Variants in NTN1 observed in about 807,000 individuals in gnomAD.
The protein encoded by NTN1 is netrin 1, also known as netrin-1.
Under a neutral mutation model 54.2 loss-of-function variants are expected in NTN1, and 11 were observed. That is an observed-to-expected ratio of 0.20 (90% CI 0.13 to 0.34). NTN1 has a LOEUF of 0.34. NTN1 is among the 10% of genes least tolerant of loss of function. The pLI is 1.00. For missense variants in NTN1, 740 were observed against 893.1 expected (o/e 0.83, Z 2.18); for synonymous variants, 371 against 382.0 (o/e 0.97, Z 0.33).
the NTN1 span, among the ~76,000 whole-genome samples, chr17:9,003,221 G>T: frequency 6.6e-6 from 1 of 151,934 alleles, no homozygotes. This position sits in a 1 kb window ranked among gnomAD's most constrained non-coding sequence, Gnocchi z 7.4. Flanking sequence ...GGAAGCTCTG[G>T]CTGGGGCTGC....
chr17:9,066,654 A>G (rs1380791584), intron 2 of NTN1, among the ~76,000 whole-genome samples: 3 of 151,494 alleles, frequency 2.0e-5, no homozygotes, highest in Non-Finnish European at 2.9e-5. Flanking sequence ...AATAGCAGAT[A>G]TACAGAATGG....
intron 2 of NTN1, among the ~76,000 whole-genome samples, chr17:9,031,066 T>C (rs1028850576): frequency 6.6e-6 from 1 of 152,210 alleles, no homozygotes; most frequent in Admixed American, 6.5e-5. Flanking sequence ...TGTCTTTTTC[T>C]GCCTGAAGAT....
intron 2 of NTN1, among the ~76,000 whole-genome samples, chr17:9,111,950 G>T (rs1478654428): frequency 1.3e-5 from 2 of 152,190 alleles, no homozygotes; most frequent in African/African-American, 2.4e-5. Flanking sequence ...TTGTTCAATG[G>T]TTAACTGAAC....
At chr17:9,076,756 A>C (rs377191647) in intron 2 of NTN1, among the ~76,000 whole-genome samples, 2 of 152,350 alleles carry the variant, frequency 1.3e-5, no homozygotes, top group Non-Finnish European at 2.9e-5. Flanking sequence ...GAATACATAA[A>C]ACCACACACT....
chr17:9,198,158 G>A (rs2142334157), intron 5 of NTN1, among the ~76,000 whole-genome samples: 1 of 152,276 alleles, frequency 6.6e-6, no homozygotes, highest in African/African-American at 2.4e-5. Flanking sequence ...AACCAGTAAG[G>A]GCATGAGGGA....
At chr17:9,049,866 CTG>C (rs1330284425) in intron 2 of NTN1, among the ~76,000 whole-genome samples, 2 of 152,168 alleles carry the variant, frequency 1.3e-5, no homozygotes, top group Non-Finnish European at 2.9e-5. Context: ...AGAGTAATAT[CTG>C]GGGGAAACTG....
At chr17:9,074,972 G>A (rs905488939) in intron 2 of NTN1, among the ~76,000 whole-genome samples, 23 of 152,248 alleles carry the variant, frequency 1.5e-4, no homozygotes, top group African/African-American at 5.5e-4. Context: ...GTGTGCATGT[G>A]AGTGTGGATG....
chr17:9,140,032 T>C (rs932025864), intron 2 of NTN1, among the ~76,000 whole-genome samples: 2 of 151,280 alleles, frequency 1.3e-5, no homozygotes, highest in Non-Finnish European at 2.9e-5. Context: ...TCAGTTTGCT[T>C]CTATTTTTTT....
At chr17:9,214,323 A>G (rs935440396) in intron 5 of NTN1, among the ~76,000 whole-genome samples, 6 of 152,232 alleles carry the variant, frequency 3.9e-5, no homozygotes, top group Admixed American at 1.3e-4. Flanking sequence ...TTGTATTACT[A>G]TTGATTTTTG....
At chr17:9,188,405 G>C (rs1311866937) in intron 5 of NTN1, among the ~76,000 whole-genome samples, 1 of 146,160 alleles carries the variant, frequency 6.8e-6, no homozygotes, top group African/African-American at 2.6e-5. Context: ...TCCAGCCTGG[G>C]CAATAAGAGT....
chr17:9,174,760 T>C (rs570103097), intron 3 of NTN1: 2 of 152,258 alleles, frequency 1.3e-5, no homozygotes, highest in East Asian at 3.9e-4. Flanking sequence ...GGGATTAGAG[T>C]TTCCGCATCA....
intron 2 of NTN1, among the ~76,000 whole-genome samples, chr17:9,048,940 G>A (rs560576067): frequency 6.6e-5 from 10 of 152,206 alleles, no homozygotes; most frequent in Admixed American, 5.9e-4. Flanking sequence ...ACAGGCATGA[G>A]CCACCGCGCC....
chr17:9,107,297 G>C (rs955722529), intron 2 of NTN1, among the ~76,000 whole-genome samples: 1 of 152,208 alleles, frequency 6.6e-6, no homozygotes, highest in Non-Finnish European at 1.5e-5. Context: ...TGTTTTAACT[G>C]TATTTTAATT....
chr17:9,169,812 C>T (rs1567727507), intron 3 of NTN1, among the ~76,000 whole-genome samples: 2 of 152,182 alleles, frequency 1.3e-5, no homozygotes, highest in Non-Finnish European at 2.9e-5. Flanking sequence ...TTACAGTGAG[C>T]CGAGATCGCA....
At chr17:9,075,831 A>C (rs539811389) in intron 2 of NTN1, among the ~76,000 whole-genome samples, 2 of 152,216 alleles carry the variant, frequency 1.3e-5, no homozygotes, top group African/African-American at 2.4e-5. Flanking sequence ...CCCAGGGGGA[A>C]AATACCCCGC....
chr17:9,063,558 T>C (rs959300985), intron 2 of NTN1, among the ~76,000 whole-genome samples: 4 of 151,974 alleles, frequency 2.6e-5, no homozygotes, highest in African/African-American at 9.7e-5. Context: ...GCAAAGTTTT[T>C]TTTTTTTTGG....
chr17:9,089,141 G>A (rs533196352), intron 2 of NTN1, among the ~76,000 whole-genome samples: 3 of 152,208 alleles, frequency 2.0e-5, no homozygotes, highest in South Asian at 2.1e-4. Context: ...TGCCAGGCGC[G>A]GTGGCTCACG....
At chr17:9,106,743 G>A (rs1464980155) in intron 2 of NTN1, among the ~76,000 whole-genome samples, 1 of 152,106 alleles carries the variant, frequency 6.6e-6, no homozygotes, top group Non-Finnish European at 1.5e-5. Context: ...TCGAACTCCT[G>A]ACCTCAGGTG....
At chr17:9,015,411 A>AAAT in the NTN1 span, among the ~76,000 whole-genome samples, 7 of 152,034 alleles carry the variant, frequency 4.6e-5, no homozygotes, top group African/African-American at 9.7e-5. Context: ...ACTCTGTCTC[A>AAAT]AATAATAATA....
Sources: gnomAD v4.1 joint callset for allele counts (sites outside exome capture counted in the v4.1 genomes callset) on GRCh38, gnomAD v4.1.1 for gene constraint, Gnocchi (gnomAD v3.1) non-coding constraint, MANE v1.5 for transcripts, NCBI Gene and HGNC (gene_info 2026-07-23, HGNC 2026-07-21) for gene names.